The following COL28A1 variants were observed in gnomAD, a reference collection of about 807,000 sequenced individuals.
COL28A1 encodes collagen type XXVIII alpha 1 chain.
Under a neutral mutation model 150.2 loss-of-function variants are expected in COL28A1, and 161 were observed. The ratio of observed to expected loss-of-function variants is 1.07; its 90% confidence interval spans 0.94 to 1.22. The LOEUF is 1.22. Among genes scored for constraint, COL28A1 ranks in the 50% most tolerant of loss-of-function variants. The pLI is 0.00. For missense variants in COL28A1, 1,617 were observed against 1,388.3 expected (o/e 1.16, Z -2.62); for synonymous variants, 552 against 469.7 (o/e 1.18, Z -2.26).
intron 11 of COL28A1, among the ~76,000 whole-genome samples, chr7:7,501,960 A>G (rs1484011775): frequency 3.9e-5 from 6 of 152,052 alleles, no homozygotes; most frequent in Admixed American, 3.3e-4. Context: ...CAGTGGTGCA[A>G]TCTTGGCTCA....
At chr7:7,351,183 G>A in the COL28A1 span, among the ~76,000 whole-genome samples, 129,061 of 152,136 alleles carry the variant, frequency 0.85, 54,940 homozygotes, top group East Asian at 1. Flanking sequence ...TTTAGTCACC[G>A]AAAACATCCT....
chr7:7,520,185 C>T, intron 5 of COL28A1, 70 bp from the exon 6 acceptor site: 1 of 768,554 alleles, frequency 1.3e-6, no homozygotes, highest in Non-Finnish European at 2.2e-6. Flanking sequence ...ATAATAATTT[C>T]TGATCAGTTT....
At chr7:7,387,818 A>C (rs902498019) in intron 27 of COL28A1, among the ~76,000 whole-genome samples, 1 of 152,190 alleles carries the variant, frequency 6.6e-6, no homozygotes, top group Non-Finnish European at 1.5e-5. Flanking sequence ...GCAGCGGCTA[A>C]AGCATATGAG....
intron 1 of COL28A1, among the ~76,000 whole-genome samples, chr7:7,533,441 G>C (rs1168935772): frequency 6.6e-6 from 1 of 152,032 alleles, no homozygotes; most frequent in East Asian, 1.9e-4. Flanking sequence ...AAAATTAAAC[G>C]ACCCTTCTGT....
At chr7:7,367,607 T>G (rs1781003050) in intron 33 of COL28A1, among the ~76,000 whole-genome samples, 1 of 152,068 alleles carries the variant, frequency 6.6e-6, no homozygotes, top group Non-Finnish European at 1.5e-5. Context: ...TGGTTGTATT[T>G]TTCTTACGTC....
At position 7,532,857 on chromosome 7, in the gene COL28A1, C is replaced by A. The variant is rs200110563; in HGVS notation, c.19G>T (p.Val7Phe). 3.1e-6 allele frequency: 5 copies of A among 1,610,056 alleles called. No individual in the cohort carries two copies. The highest frequency in any genetic ancestry group is 1.7e-4 in the Middle Eastern group (1 of 6,052). The change falls in exon 2 of 35, where the codon GTC becomes TTC. Residue 7 changes from valine to phenylalanine, a missense_variant. Transcript: ENST00000399429. MWNRYF[V>F]FYLLLLSAFT... ...GCTGACAAAAGCAGGAGATAGAAGA[C>A]AAAATATCTGTTCCACATTATGGTA... is the stretch of plus-strand genomic sequence containing the variant.
chr7:7,504,307 G>T (rs930489174), intron 11 of COL28A1, among the ~76,000 whole-genome samples: 1 of 151,974 alleles, frequency 6.6e-6, no homozygotes, highest in Non-Finnish European at 1.5e-5. Flanking sequence ...GACTCAACTG[G>T]GCAACAAAGC....
At chr7:7,365,413 C>T (rs139121253) in intron 33 of COL28A1, among the ~76,000 whole-genome samples, 3 of 152,178 alleles carry the variant, frequency 2.0e-5, no homozygotes, top group East Asian at 1.9e-4. Flanking sequence ...ACCTGAGAGC[C>T]GACACCTGGA....
chr7:7,434,510 T>C (rs553362332), intron 23 of COL28A1, among the ~76,000 whole-genome samples: 2 of 152,174 alleles, frequency 1.3e-5, no homozygotes, highest in South Asian at 4.1e-4. Context: ...GAAAAGAAAA[T>C]TGGAATCAAA....
chr7:7,515,847 T>G lies in COL28A1; in HGVS notation c.856-7A>C, dbSNP rs758702202. 5.0e-6 allele frequency: 5 copies of G among 999,880 alleles called. No individual in the cohort carries two copies. In the African/African-American group the frequency reaches 7.9e-5, roughly 16 times the overall value. 61.9% of individuals were successfully genotyped at this position (999,880 alleles called of 1,614,324 possible). ...CCTTGTACCCAGGAATTCCCTAATT[T>G]AAAAAGAAAATAAAAAGTAAAATAT... On this transcript the variant is annotated splice_region_variant and splice_polypyrimidine_tract_variant and intron_variant, in intron 7 of 34. Coordinates refer to ENST00000399429, the MANE Select transcript of COL28A1 (RefSeq NM_001037763.3).
At chr7:7,450,777 A>C (rs972674031) in intron 18 of COL28A1, among the ~76,000 whole-genome samples, 18 of 152,200 alleles carry the variant, frequency 1.2e-4, no homozygotes, top group Non-Finnish European at 2.1e-4. Flanking sequence ...AGCAATTTAA[A>C]TATCCACCAT....
At chr7:7,413,845 C>G (rs1284328101) in intron 27 of COL28A1, among the ~76,000 whole-genome samples, 1 of 152,156 alleles carries the variant, frequency 6.6e-6, no homozygotes. Flanking sequence ...AGCTAATTCT[C>G]TCAATGAATA....
chr7:7,378,662 C>A (rs1033181339), intron 30 of COL28A1, among the ~76,000 whole-genome samples: 1 of 152,112 alleles, frequency 6.6e-6, no homozygotes, highest in Non-Finnish European at 1.5e-5. Context: ...GGGGGAGCAG[C>A]CTGAACTTGG....
the COL28A1 span, among the ~76,000 whole-genome samples, chr7:7,344,703 C>G: frequency 2.0e-5 from 3 of 151,898 alleles, no homozygotes; most frequent in Non-Finnish European, 1.5e-5. Context: ...TGGGTAGAAG[C>G]TAGGGATGAG....
chr7:7,355,301 T>C (rs1417723380), downstream of COL28A1, among the ~76,000 whole-genome samples: 2 of 151,980 alleles, frequency 1.3e-5, no homozygotes, highest in African/African-American at 2.4e-5. Flanking sequence ...TGGTAAGGTG[T>C]CACCAGAGAA....
At chr7:7,410,057 T>C (rs1417731477) in intron 27 of COL28A1, among the ~76,000 whole-genome samples, 1 of 152,178 alleles carries the variant, frequency 6.6e-6, no homozygotes, top group African/African-American at 2.4e-5. Flanking sequence ...TCCTTTTTCT[T>C]AACTGGCTTG....
chr7:7,357,583 C>G (rs1396610481), downstream of COL28A1: 2 of 151,136 alleles, frequency 1.3e-5, no homozygotes, highest in Non-Finnish European at 2.9e-5. Context: ...CGCTTGAACC[C>G]AGGAGCGGGA....
At chr7:7,447,786 C>G (rs1444633620) in intron 18 of COL28A1, among the ~76,000 whole-genome samples, 1 of 151,988 alleles carries the variant, frequency 6.6e-6, no homozygotes, top group Non-Finnish European at 1.5e-5. Flanking sequence ...TAAAAGCTAT[C>G]CTAAATTAAA....
At chr7:7,389,319 T>C (rs549175919) in intron 27 of COL28A1, among the ~76,000 whole-genome samples, 1 of 152,290 alleles carries the variant, frequency 6.6e-6, no homozygotes, top group East Asian at 1.9e-4. Context: ...ATGTATAGTG[T>C]TATTTCTGAG....
Sources: allele counts gnomAD v4.1 joint callset (sites outside exome capture counted in the v4.1 genomes callset), GRCh38; gene constraint gnomAD v4.1.1; transcripts MANE v1.5; gene names NCBI Gene and HGNC (gene_info 2026-07-23, HGNC 2026-07-21).